LDAF1: variants seen among roughly 807,000 people sequenced by gnomAD.
The protein encoded by LDAF1 is PROMETHIN.
In LDAF1, 7 loss-of-function variants were observed where a neutral mutation model predicts 13.5. The ratio of observed to expected loss-of-function variants is 0.52; its 90% CI spans 0.29 to 0.97. The LOEUF (loss-of-function observed/expected upper bound fraction) is 0.97, where lower values mean the gene tolerates loss of function less well. LDAF1 is among the 50% of genes least tolerant of loss of function. The pLI is 0.07. For synonymous variants in LDAF1, 69 were observed against 77.1 expected (o/e 0.89, Z 0.55); for missense variants, 148 against 193.2 (o/e 0.77, Z 1.39).
Position 21,170,577 on chromosome 16 carries a change from T to C in LDAF1, c.237T>C (p.Ala79=). ...TCATCGTGGTGCTTACCACCCTGGC[T>C]GCTCTGCTGGGGGTCATAATATTGG... The part of the protein sequence containing the change: ...FLLIVVLTTL[A]ALLGVIILEG... Residue 79 remains alanine (A), a synonymous_variant, in exon 3 of 5, where the codon GCT becomes GCC. Coordinates refer to ENST00000233047, the MANE Select transcript of LDAF1 (RefSeq NM_001301771.2). 6.2e-7 allele frequency: 1 copy of C among 1,614,208 alleles called. No homozygotes were observed. Among genetic ancestry groups the C allele is most frequent in the Middle Eastern group, 1.6e-4 (1 of 6,062 alleles).
chr16:21,178,318 A>G (rs1212580018), intron 4 of LDAF1: 2 of 985,244 alleles, frequency 2.0e-6, no homozygotes, highest in East Asian at 2.3e-4. Flanking sequence ...CCATATCATA[A>G]TCTTCCAAAC....
Position 21,179,656 on chromosome 16 carries a change from C to G in LDAF1, c.*100C>G. The G allele has an allele frequency of 4.9e-6, 5 of 1,021,412 alleles. No individual in the cohort carries two copies. In the South Asian group the frequency reaches 7.8e-5, roughly 16 times the overall value. 63.3% of individuals were successfully genotyped at this position (1,021,412 alleles called of 1,614,324 possible). ...GAAGGGGGCTGGGTAGGCAAGCACT[C>G]CTTGGCTGTGTCCTCTCGCTTTTTC... is the stretch of plus-strand genomic sequence containing the variant. On this transcript the variant is annotated 3_prime_UTR_variant, in exon 5 of 5. Transcript: ENST00000233047.
At chr16:21,162,942 A>G (rs2092990587) in intron 2 of LDAF1, among the ~76,000 whole-genome samples, 1 of 152,258 alleles carries the variant, frequency 6.6e-6, no homozygotes. Flanking sequence ...TCCTGTTCAC[A>G]ACATTTTTGT....
chr16:21,173,963 C>T, intron 3 of LDAF1, 47 bp from the exon 4 acceptor site: 2 of 1,578,644 alleles, frequency 1.3e-6, no homozygotes, highest in Non-Finnish European at 1.7e-6. Context: ...TGCCAGTTTT[C>T]AACCTGTTTG....
intron 3 of LDAF1, chr16:21,172,886 C>A: frequency 1.0e-6 from 1 of 977,688 alleles, no homozygotes; most frequent in Non-Finnish European, 1.2e-6. Context: ...GAAACCATCA[C>A]TGTGGCTGTG....
rs369778157 is a variant in LDAF1 at position 21,163,437 on chromosome 16, A to G, written c.96+2159A>G. 1.2e-4 allele frequency among the ~76,000 whole-genome samples: 18 copies of G among 152,220 alleles called. 1 individual carries two copies. In the South Asian group the frequency reaches 3.7e-3, roughly 32 times the overall value. ...GAGGCGGGTGGATCCCTTGAGCCAG[A>G]AGTTCAAGACCAGCCTGGCCAACAT... On this transcript the variant is annotated intron_variant, in intron 2 of 4. Transcript: ENST00000233047.
intron 1 of LDAF1, among the ~76,000 whole-genome samples, chr16:21,160,531 A>G (rs1362625604): frequency 6.6e-6 from 1 of 152,186 alleles, no homozygotes; most frequent in African/African-American, 2.4e-5. Context: ...GAAGAGAAAC[A>G]GGTCAAGGCT....
chr16:21,160,185 C>CAAG (rs1567895655), intron 1 of LDAF1, among the ~76,000 whole-genome samples: 1 of 151,248 alleles, frequency 6.6e-6, no homozygotes, highest in East Asian at 1.9e-4. Flanking sequence ...TACTGTAGGT[C>CAAG]AGGTCAGTTT....
chr16:21,169,973 G>A (rs1291778779), intron 2 of LDAF1, among the ~76,000 whole-genome samples: 1 of 149,992 alleles, frequency 6.7e-6, no homozygotes, highest in African/African-American at 2.5e-5. Context: ...TCATTTTTGA[G>A]ATGGAGTCTT....
intron 4 of LDAF1, chr16:21,179,248 T>C (rs2093163479): frequency 5.7e-6 from 3 of 528,682 alleles, no homozygotes; most frequent in South Asian, 8.3e-5. Context: ...ATAATAAATA[T>C]CCAAATTAGA....
intron 3 of LDAF1, among the ~76,000 whole-genome samples, chr16:21,172,430 G>T (rs1034087845): frequency 2.0e-5 from 3 of 151,936 alleles, no homozygotes; most frequent in Non-Finnish European, 4.4e-5. Flanking sequence ...TGGGTGATAA[G>T]AGTGAGACTC....
chr16:21,169,190 T>G, intron 2 of LDAF1: 1 of 984,608 alleles, frequency 1.0e-6, no homozygotes, highest in Non-Finnish European at 1.2e-6. Context: ...GCTGTGCGAC[T>G]CTAGACAAGT....
rs1036453281 is a variant in LDAF1 at position 21,173,998 on chromosome 16, T to G, written c.266-12T>G. 4 of 1,608,668 alleles carry G rather than the reference T, an allele frequency of 2.5e-6. No homozygotes were observed. The highest frequency in any genetic ancestry group is 2.7e-5 in the African/African-American group (2 of 74,664). On this transcript the variant is annotated splice_polypyrimidine_tract_variant and intron_variant, in intron 3 of 4. Transcript: ENST00000233047. ...GAGATGAACCCTTCTCCTAACCACG[T>G]TCTCCTCCTAGGATTGGTCATCTCT...
At chr16:21,159,211 G>C (rs2092932298) in intron 1 of LDAF1, 1 of 1,003,592 alleles carries the variant, frequency 1.0e-6, no homozygotes, top group Non-Finnish European at 1.6e-6. Context: ...AGAGAGATCT[G>C]CAAGTATCAA....
rs961194095 is a variant in LDAF1 at position 21,179,769 on chromosome 16, G to A, written c.*213G>A. 1.7e-5 allele frequency: 9 copies of A among 523,380 alleles called. No individual in the cohort carries two copies. The highest frequency in any genetic ancestry group is 2.2e-5 in the South Asian group (1 of 44,826). 32.4% of individuals were successfully genotyped at this position (523,380 alleles called of 1,614,324 possible). A position where few individuals can be genotyped will look rare whatever the true frequency, so the allele number is the denominator to read the frequency against. The stretch of plus-strand genomic sequence containing the variant: ...ATGTAAAGAAGCAGCAGAGAAATGC[G>A]ATGGTTCAACAGCTCGCCCTGCCCC... On this transcript the variant is annotated 3_prime_UTR_variant, in exon 5 of 5. Transcript: ENST00000233047.
chr16:21,173,714 A>C (rs1365927344), intron 3 of LDAF1, among the ~76,000 whole-genome samples: 3 of 152,002 alleles, frequency 2.0e-5, no homozygotes, highest in African/African-American at 7.3e-5. Context: ...CTGTCTCAAA[A>C]AAGAAAAAAA....
rs1482413427 is a variant in LDAF1, at chr16:21,166,755, A to T, written c.97-3682A>T. 278 of 1,123,616 alleles carry T rather than the reference A, an allele frequency of 2.5e-4. 2 individuals carry two copies. In the East Asian group the frequency reaches 7.1e-3, roughly 29 times the overall value. 69.6% of individuals were successfully genotyped at this position (1,123,616 alleles called of 1,614,324 possible). ...TGCATGTGGATTCGAACTGGAAAGA[A>T]GTCAGGACCTGAGACAGCGCAAGGG... On this transcript the variant is annotated intron_variant, in intron 2 of 4. Coordinates refer to ENST00000233047, the MANE Select transcript of LDAF1 (RefSeq NM_001301771.2).
chr16:21,163,586 AG>A (rs1272056107), intron 2 of LDAF1, among the ~76,000 whole-genome samples: 1 of 152,184 alleles, frequency 6.6e-6, no homozygotes, highest in Non-Finnish European at 1.5e-5. Flanking sequence ...TGAAGGTTGA[AG>A]GGAGCCAAGA....
In LDAF1 at chr16:21,161,162, G is replaced by A; in HGVS notation, c.-21G>A. On this transcript the variant is annotated 5_prime_UTR_variant, in exon 2 of 5. Transcript: ENST00000233047. ...ACTGGTAGGATAATTCATCCCTAAA[G>A]AGATTGAAGTGAGCTTCAGAATGGC... 6.2e-7 allele frequency: 1 copy of A among 1,613,666 alleles called. No homozygotes were observed. Among genetic ancestry groups the A allele is most frequent in the Non-Finnish European group, 8.5e-7 (1 of 1,179,900 alleles).
Sources: allele counts gnomAD v4.1 joint callset (sites outside exome capture counted in the v4.1 genomes callset), GRCh38; gene constraint gnomAD v4.1.1; transcripts MANE v1.5; gene names NCBI Gene and HGNC (gene_info 2026-07-23, HGNC 2026-07-21).